Variants in PCDHA2 observed in about 807,000 individuals in gnomAD.
The protein encoded by PCDHA2 is protocadherin alpha-2.
Under a neutral mutation model 66.0 loss-of-function variants are expected in PCDHA2, and 58 were observed. The observed-to-expected ratio is 0.88, with a 90% CI of 0.71 to 1.09. PCDHA2 has a LOEUF of 1.09. Ranked by LOEUF, PCDHA2 falls within the 50% of genes least tolerant of loss-of-function variation. The pLI, the probability that PCDHA2 is intolerant of heterozygous loss-of-function variation, is 0.00. For missense variants in PCDHA2, 1,267 were observed against 1,242.3 expected (o/e 1.02, Z -0.30); for synonymous variants, 634 against 554.0 (o/e 1.14, Z -2.03).
intron 1 of PCDHA2, among the ~76,000 whole-genome samples, chr5:140,919,535 ACTTTT>A (rs1310340464): frequency 1.3e-5 from 2 of 151,732 alleles, no homozygotes; most frequent in Non-Finnish European, 2.9e-5. Flanking sequence ...TTTTTCCTAT[ACTTTT>A]CATTTACTGA....
At position 140,843,258 on chromosome 5, in the gene PCDHA2, G is replaced by T. The variant is rs2150356116; in HGVS notation, c.2388+45906G>T. 2 of 1,596,068 alleles carry T rather than the reference G, an allele frequency of 1.3e-6. 1 individual carries two copies. The highest frequency in any genetic ancestry group is 3.4e-5 in the Admixed American group (2 of 59,332). ...GACGAAGCGGACTCTCCGCGCCACC[G>T]TCTGCTGGTCCTGGTGAAGGATCAT... On this transcript the variant is annotated intron_variant, in intron 1 of 3. Coordinates refer to ENST00000526136, the MANE Select transcript of PCDHA2 (RefSeq NM_018905.3).
intron 1 of PCDHA2, among the ~76,000 whole-genome samples, chr5:140,916,791 G>A (rs1159820496): frequency 6.6e-6 from 1 of 152,128 alleles, no homozygotes; most frequent in Admixed American, 6.5e-5. Flanking sequence ...AGCTGCCCCA[G>A]CTGATGACTT....
intron 1 of PCDHA2, among the ~76,000 whole-genome samples, chr5:140,935,116 C>T (rs2090194943): frequency 6.6e-6 from 1 of 152,126 alleles, no homozygotes; most frequent in Non-Finnish European, 1.5e-5. Flanking sequence ...AGAGCTTTCA[C>T]TTATTTTTAG....
At chr5:140,868,942 C>A (rs1238492263) in intron 1 of PCDHA2, 2 of 1,255,934 alleles carry the variant, frequency 1.6e-6, no homozygotes, top group South Asian at 1.6e-5. Flanking sequence ...TTGGTCTGAA[C>A]AGTGAGGCAC....
chr5:140,934,704 T>C (rs185443398), intron 1 of PCDHA2, among the ~76,000 whole-genome samples: 134 of 152,288 alleles, frequency 8.8e-4, no homozygotes, highest in Non-Finnish European at 1.6e-3. Context: ...TTCCTGGCCA[T>C]CTTACAAAAA....
chr5:140,928,602 G>A (rs927910920), intron 1 of PCDHA2: 26 of 1,614,058 alleles, frequency 1.6e-5, no homozygotes, highest in Non-Finnish European at 2.2e-5. Context: ...TGGAAATTGT[G>A]CCCCGCTCTG....
In PCDHA2 at chr5:140,795,876, T is replaced by A. The variant is rs73791786; in HGVS notation, c.912T>A (p.Thr304=). Residue 304 remains threonine (T), a synonymous_variant, in exon 1 of 4, where the codon ACT becomes ACA. Transcript: ENST00000526136. ...TIDPISGEIR[T]KGKLDYEEAK... is the part of the protein sequence containing the mutation. ...ATCCCATCTCAGGGGAAATCAGAAC[T>A]AAGGGAAAATTAGATTATGAAGAAG... is the stretch of plus-strand genomic sequence containing the variant. 1.1e-3 allele frequency: 1,855 copies of A among 1,613,902 alleles called. 16 individuals carry two copies. In the African/African-American group the frequency reaches 0.023, roughly 20 times the overall value.
chr5:140,797,442 C>T (rs2149928378), intron 1 of PCDHA2, 90 bp downstream of exon 1: 2 of 1,368,348 alleles, frequency 1.5e-6, no homozygotes, highest in East Asian at 4.7e-5. Flanking sequence ...ATTCATAGTT[C>T]TTCATTTATT....
intron 1 of PCDHA2, among the ~76,000 whole-genome samples, chr5:140,970,860 C>T (rs2096438853): frequency 6.6e-6 from 1 of 152,054 alleles, no homozygotes; most frequent in Non-Finnish European, 1.5e-5. Context: ...AAGTTCCATT[C>T]CTGATTGAGA....
chr5:140,838,266 A>G (rs1554136963), intron 1 of PCDHA2, among the ~76,000 whole-genome samples: 4 of 140,468 alleles, frequency 2.8e-5, no homozygotes, highest in Non-Finnish European at 6.1e-5. Flanking sequence ...GACGCCAACA[A>G]CCAAGCCATG....
Position 140,829,283 on chromosome 5 carries a change from G to C in PCDHA2, c.2388+31931G>C. On this transcript the variant is annotated intron_variant, in intron 1 of 3. Transcript: ENST00000526136. ...GACGCCTCACGTCCCTTTCAAGCTG[G>C]TGTCCACCTTCAAGAATTACTACTC... The C allele has an allele frequency of 6.2e-7, 1 of 1,614,260 alleles. No homozygotes were observed.
In PCDHA2 at chr5:140,823,899, C is replaced by A. The variant is rs2150130137; in HGVS notation, c.2388+26547C>A. ...TCATCGCCATCTGTGCGGTGTCCAG[C>A]CTGCTGGTGCTCACGCTGCTGCTGT... On this transcript the variant is annotated intron_variant, in intron 1 of 3. Transcript: ENST00000526136. 15 of 1,613,858 alleles carry A rather than the reference C, an allele frequency of 9.3e-6. No individual in the cohort carries two copies. The African/African-American group carries it at 1.7e-4, about 19-fold the overall frequency.
rs146702581 is a variant in PCDHA2 at position 140,929,720 on chromosome 5, C to T, written c.2389-49229C>T. ...TATGAATATAATATGGAAGGTGAAA[C>T]ATTTACTTAAACTATTGCAATGCAT... On this transcript the variant is annotated intron_variant, in intron 1 of 3. Coordinates refer to ENST00000526136, the MANE Select transcript of PCDHA2 (RefSeq NM_018905.3). The T allele has an allele frequency of 2.8e-3, 635 of 224,158 alleles. 4 individuals are homozygous for T. The highest frequency in any genetic ancestry group is 6.2e-3 in the African/African-American group (270 of 43,802). 13.9% of individuals were successfully genotyped at this position (224,158 alleles called of 1,614,324 possible).
chr5:140,869,184 G>A (rs1554162580), intron 1 of PCDHA2: 44 of 1,613,836 alleles, frequency 2.7e-5, no homozygotes, highest in Non-Finnish European at 3.7e-5. Flanking sequence ...GGGAGGTGGG[G>A]AGCGGCCAGC....
intron 1 of PCDHA2, among the ~76,000 whole-genome samples, chr5:140,895,253 C>A (rs2153449431): frequency 6.6e-6 from 1 of 152,084 alleles, no homozygotes; most frequent in East Asian, 1.9e-4. Context: ...TCAAAGCTTT[C>A]TTTTTTTTCT....
chr5:140,968,262 A>G, intron 1 of PCDHA2: 5 of 1,614,054 alleles, frequency 3.1e-6, no homozygotes, highest in Non-Finnish European at 4.2e-6. Flanking sequence ...CCAGATGAAA[A>G]GGAGAATGCA....
chr5:140,871,208 C>G, intron 1 of PCDHA2: 1 of 1,613,802 alleles, frequency 6.2e-7, no homozygotes, highest in Non-Finnish European at 8.5e-7. Context: ...CTGATCATCG[C>G]CATCTGCGTG....
At chr5:140,998,415 C>T (rs1554256243) in intron 3 of PCDHA2, among the ~76,000 whole-genome samples, 1 of 152,158 alleles carries the variant, frequency 6.6e-6, no homozygotes, top group African/African-American at 2.4e-5. Context: ...GTTTATCTAC[C>T]TGGTTTATCC....
intron 1 of PCDHA2, among the ~76,000 whole-genome samples, chr5:140,838,173 GTGCAATCTCAGCTCACT>G (rs1395754886): frequency 2.7e-5 from 4 of 149,160 alleles, no homozygotes; most frequent in African/African-American, 9.9e-5. Context: ...GAGTGCAGTG[GTGCAATCTCAGCTCACT>G]GCAAAATCCG....
Sources: allele counts gnomAD v4.1 joint callset (sites outside exome capture counted in the v4.1 genomes callset), GRCh38; gene constraint gnomAD v4.1.1; transcripts MANE v1.5; gene names NCBI Gene and HGNC (gene_info 2026-07-23, HGNC 2026-07-21).